Variants in PRKN observed in about 807,000 individuals in gnomAD.
The protein encoded by PRKN is E3 ubiquitin-protein ligase parkin.
In PRKN, 56 loss-of-function variants were observed where a neutral mutation model predicts 59.5. That is an observed-to-expected ratio of 0.94 (90% confidence interval 0.76 to 1.18). PRKN has a LOEUF of 1.18. Ranked by LOEUF, PRKN falls within the 50% of genes most tolerant of loss-of-function variation. The pLI, the probability that PRKN is intolerant of heterozygous loss-of-function variation, is 0.00. For synonymous variants in PRKN, 250 were observed against 222.1 expected, an observed-to-expected ratio of 1.13 and a Z score of -1.12; for missense variants, 657 against 596.4, an observed-to-expected ratio of 1.10 and a Z score of -1.06.
At chr6:161,671,601 A>G (rs1784912403) in intron 7 of PRKN, among the ~76,000 whole-genome samples, 1 of 152,188 alleles carries the variant, frequency 6.6e-6, no homozygotes, top group South Asian at 2.1e-4. Flanking sequence ...AGTAATCTGG[A>G]TGGGGGACAT....
At chr6:161,567,035 T>TG (rs1450596371) in intron 8 of PRKN, among the ~76,000 whole-genome samples, 91 of 108,074 alleles carry the variant, frequency 8.4e-4, no homozygotes, top group African/African-American at 2.7e-3. Flanking sequence ...TTTTTTTTTT[T>TG]TTTGTGTGTG....
chr6:161,733,797 T>TATATAC (rs58765166), intron 7 of PRKN, among the ~76,000 whole-genome samples: 2 of 82,004 alleles, frequency 2.4e-5, no homozygotes, highest in African/African-American at 8.2e-5. Context: ...TATATATATA[T>TATATAC]GTATATATAT....
At chr6:162,643,877 T>C (rs1260811169) in intron 1 of PRKN, 1 of 152,202 alleles carries the variant, frequency 6.6e-6, no homozygotes, top group Non-Finnish European at 1.5e-5. Flanking sequence ...TTCAACTTAT[T>C]ATTACCTTGT....
At chr6:162,547,270 C>T (rs1380875958) in intron 1 of PRKN, among the ~76,000 whole-genome samples, 4 of 152,152 alleles carry the variant, frequency 2.6e-5, no homozygotes, top group Admixed American at 1.3e-4. Context: ...ATCCTCTCTT[C>T]GTTTATCATC....
At chr6:161,515,613 C>T (rs1450716262) in intron 9 of PRKN, among the ~76,000 whole-genome samples, 1 of 152,172 alleles carries the variant, frequency 6.6e-6, no homozygotes, top group African/African-American at 2.4e-5. Flanking sequence ...ATGATAACTA[C>T]AGCAAATCCT....
At chr6:161,995,242 T>C (rs931526308) in intron 5 of PRKN, among the ~76,000 whole-genome samples, 1 of 152,108 alleles carries the variant, frequency 6.6e-6, no homozygotes, top group Non-Finnish European at 1.5e-5. Context: ...AGAATGAAAC[T>C]AGACCCTTAT....
chr6:161,629,074 A>G (rs924812222), intron 7 of PRKN, among the ~76,000 whole-genome samples: 39 of 152,198 alleles, frequency 2.6e-4, no homozygotes, highest in Non-Finnish European at 2.5e-4. Flanking sequence ...GCACCGAGGA[A>G]TGGCGTCTTC....
intron 6 of PRKN, among the ~76,000 whole-genome samples, chr6:161,946,414 A>ACACACACACTCTCTCTCTCTCT (rs1247187053): frequency 8.7e-6 from 1 of 114,378 alleles, no homozygotes; most frequent in African/African-American, 3.7e-5. Flanking sequence ...ACACACACAC[A>ACACACACACTCTCTCTCTCTCT]CTCTCTCTCT....
Position 162,063,188 on chromosome 6 carries a change from G to C in PRKN, c.535-9014C>G, listed in dbSNP as rs577109816. On this transcript the variant is annotated intron_variant, in intron 4 of 11. Coordinates refer to ENST00000366898, the MANE Select transcript of PRKN (RefSeq NM_004562.3). ...ATGACTATGCAAGCCACAGACTTGG[G>C]AAAATATTAGTAATACATATAATTG... Among the ~76,000 whole-genome samples, 5 of 152,194 alleles carry C rather than the reference G, an allele frequency of 3.3e-5. No homozygotes were observed. In the East Asian group the frequency reaches 9.7e-4, roughly 29 times the overall value.
Position 162,641,667 on chromosome 6 carries a change from G to C in PRKN, c.7+85995C>G, listed in dbSNP as rs1777963364. On this transcript the variant is annotated intron_variant, in intron 1 of 11. Coordinates refer to ENST00000366898, the MANE Select transcript of PRKN (RefSeq NM_004562.3). ...ATGCAGAATCCTTGCTACTTAGGCA[G>C]ATTACTCTGCAGGTAAAGAATGATC... Among the ~76,000 whole-genome samples, 6 of 152,196 alleles carry C rather than the reference G, an allele frequency of 3.9e-5. No individual in the cohort carries two copies. In the South Asian group the frequency reaches 1.2e-3, roughly 31 times the overall value.
At chr6:161,994,508 A>G (rs1434917557) in intron 5 of PRKN, among the ~76,000 whole-genome samples, 1 of 152,134 alleles carries the variant, frequency 6.6e-6, no homozygotes, top group Non-Finnish European at 1.5e-5. Flanking sequence ...AGTCATCCAA[A>G]CTGGAAAAAA....
intron 5 of PRKN, among the ~76,000 whole-genome samples, chr6:162,016,307 C>T (rs114960144): frequency 0.011 from 1,707 of 152,190 alleles, 37 homozygotes; most frequent in African/African-American, 0.04. Flanking sequence ...TAGAAAATTA[C>T]TGAGCATTTT....
chr6:161,525,358 A>T lies in PRKN; in HGVS notation c.1083+23496T>A, dbSNP rs1778979970. On this transcript the variant is annotated intron_variant, in intron 9 of 11. Transcript: ENST00000366898. The surrounding 1 kb of genome is among the most constrained non-coding windows in gnomAD (Gnocchi z 4.7). ...GGTCCACCTCTCCCAGGTCCTGAGG[A>T]CTTTCCTCCTGGAGCCTAGCCTGCC... Among the ~76,000 whole-genome samples the T allele has an allele frequency of 6.6e-6, 1 of 152,114 alleles. No homozygotes were observed.
At chr6:162,331,391 T>A (rs542247815) in intron 2 of PRKN, among the ~76,000 whole-genome samples, 2 of 152,278 alleles carry the variant, frequency 1.3e-5, no homozygotes, top group African/African-American at 4.8e-5. Context: ...CACAGGACAA[T>A]AAAATATGCC....
At chr6:161,615,588 C>G (rs1307174418) in intron 7 of PRKN, among the ~76,000 whole-genome samples, 1 of 152,258 alleles carries the variant, frequency 6.6e-6, no homozygotes, top group Non-Finnish European at 1.5e-5. Flanking sequence ...CACCGGCAAA[C>G]AGCCAGCCAG....
At position 161,548,974 on chromosome 6, in the gene PRKN, C is replaced by T. The variant is rs767703008; in HGVS notation, c.963G>A (p.Glu321=). The T allele has an allele frequency of 6.2e-7, 1 of 1,614,204 alleles. No homozygotes were observed. Among genetic ancestry groups the T allele is most frequent in the African/African-American group, 1.3e-5 (1 of 75,050 alleles). Reference sequence around the variant, plus strand: ...CGCCCCCCATCTGCAGGACACACTCCTCTGCACCATACTGCTGGTACCGGT... The same window carrying T: ...CGCCCCCCATCTGCAGGACACACTCTTCTGCACCATACTGCTGGTACCGGT... ...QYNRYQQYGA[E]ECVLQMGGVL... is the part of the protein sequence containing the mutation. Residue 321 remains glutamate (E), a synonymous_variant, in exon 9 of 12, where the codon GAG becomes GAA. Transcript: ENST00000366898. This position sits in a 1 kb window ranked among gnomAD's most constrained non-coding sequence, Gnocchi z 4.2.
At chr6:162,361,171 T>C (rs922426344) in intron 2 of PRKN, among the ~76,000 whole-genome samples, 1 of 152,084 alleles carries the variant, frequency 6.6e-6, no homozygotes, top group South Asian at 2.1e-4. Context: ...CAAGTTCAGA[T>C]GGCTACATTT....
intron 2 of PRKN, among the ~76,000 whole-genome samples, chr6:162,345,292 A>T (rs982438445): frequency 2.6e-5 from 4 of 152,200 alleles, no homozygotes; most frequent in African/African-American, 9.6e-5. Flanking sequence ...TACACACAGA[A>T]AGCTGCCCAA....
In PRKN at chr6:161,721,902, T is replaced by C. The variant is rs1423808151; in HGVS notation, c.871+63870A>G. Among the ~76,000 whole-genome samples the C allele has an allele frequency of 2.0e-5, 3 of 152,332 alleles. No individual in the cohort carries two copies. In the East Asian group the frequency reaches 5.8e-4, roughly 29 times the overall value. ...AAGTGGAACTGTTTGACCCCAGCTT[T>C]CAGGTCCGGATAAAATGAGAAGTTT... On this transcript the variant is annotated intron_variant, in intron 7 of 11. Transcript: ENST00000366898.
Sources: gnomAD v4.1 joint callset for allele counts (sites outside exome capture counted in the v4.1 genomes callset) on GRCh38, gnomAD v4.1.1 for gene constraint, Gnocchi (gnomAD v3.1) non-coding constraint, MANE v1.5 for transcripts, NCBI Gene and HGNC (gene_info 2026-07-23, HGNC 2026-07-21) for gene names.